The following ARHGAP8 variants were observed in gnomAD, a reference collection of about 807,000 sequenced individuals.
ARHGAP8 encodes the protein rho GTPase-activating protein 8.
Under a neutral mutation model 46.1 loss-of-function variants are expected in ARHGAP8, and 62 were observed. That is an observed-to-expected ratio of 1.34 (90% CI 1.10 to 1.66). The LOEUF (loss-of-function observed/expected upper bound fraction) is 1.66. Ranked by LOEUF, ARHGAP8 falls within the 40% of genes most tolerant of loss-of-function variation. ARHGAP8 has a pLI of 0.00. For missense variants in ARHGAP8, 923 were observed against 568.4 expected (o/e 1.62, Z -6.34); for synonymous variants, 375 against 243.1 (o/e 1.54, Z -5.05).
intron 11 of ARHGAP8, 40 bp downstream of exon 11, chr22:44,859,874 G>A (rs748776508): frequency 1.2e-6 from 2 of 1,603,838 alleles, no homozygotes; most frequent in East Asian, 4.5e-5. Context: ...AAGCCCAGTG[G>A]CCTTCCCTCC....
chr22:44,787,087 C>G (rs558482367), intron 2 of ARHGAP8, among the ~76,000 whole-genome samples: 283 of 150,804 alleles, frequency 1.9e-3, no homozygotes, highest in Middle Eastern at 7.1e-3. Context: ...GGAGGGCCTG[C>G]TAGTGTGTTT....
At chr22:44,825,888 G>T (rs1465589199) in intron 7 of ARHGAP8, among the ~76,000 whole-genome samples, 2 of 131,682 alleles carry the variant, frequency 1.5e-5, no homozygotes, top group African/African-American at 5.7e-5. Context: ...GCGCGTGCTT[G>T]CTGCTCCGTG....
intron 11 of ARHGAP8, among the ~76,000 whole-genome samples, chr22:44,861,888 G>C (rs2070505067): frequency 2.0e-5 from 3 of 152,172 alleles, no homozygotes; most frequent in Admixed American, 6.5e-5. Context: ...TGTGCTGGCT[G>C]GTCCCCATCA....
intron 10 of ARHGAP8, 101 bp downstream of exon 10, chr22:44,849,161 G>A (rs1322155294): frequency 1.3e-6 from 2 of 1,566,550 alleles, no homozygotes; most frequent in African/African-American, 2.7e-5. Context: ...GAGGTGACGT[G>A]TACCCACCCT....
At chr22:44,852,314 A>T (rs1210336330) in intron 10 of ARHGAP8, among the ~76,000 whole-genome samples, 1 of 151,786 alleles carries the variant, frequency 6.6e-6, no homozygotes, top group African/African-American at 2.4e-5. Context: ...ATGGAGCTTC[A>T]ATTCCTTTTG....
At chr22:44,833,901 A>G (rs1208125983) in intron 7 of ARHGAP8, among the ~76,000 whole-genome samples, 1 of 152,092 alleles carries the variant, frequency 6.6e-6, no homozygotes. Context: ...CTTTCCAGGA[A>G]TTTGTTCATT....
chr22:44,817,134 G>A (rs1414074467), intron 5 of ARHGAP8, among the ~76,000 whole-genome samples: 3 of 151,950 alleles, frequency 2.0e-5, no homozygotes, highest in Non-Finnish European at 2.9e-5. Flanking sequence ...TGATCCACCC[G>A]CCTCGGCCTC....
intron 11 of ARHGAP8, among the ~76,000 whole-genome samples, chr22:44,860,571 T>C (rs566860459): frequency 2.6e-5 from 4 of 152,054 alleles, no homozygotes; most frequent in Admixed American, 2.6e-4. Context: ...GCAACGGCCC[T>C]CGTTCCAAAT....
chr22:44,785,780 A>G (rs937168859), intron 1 of ARHGAP8, among the ~76,000 whole-genome samples: 5 of 152,058 alleles, frequency 3.3e-5, no homozygotes, highest in Admixed American at 6.6e-5. Flanking sequence ...CTAAGATTCA[A>G]CTTAGGAGGG....
chr22:44,799,077 G>T (rs1301540158), intron 2 of ARHGAP8, among the ~76,000 whole-genome samples: 4 of 152,224 alleles, frequency 2.6e-5, no homozygotes, highest in Admixed American at 1.3e-4. Flanking sequence ...CCACCTGGGG[G>T]GCCCCCAAGG....
At chr22:44,768,823 C>T (rs1383753842) in intron 1 of ARHGAP8, among the ~76,000 whole-genome samples, 1 of 149,904 alleles carries the variant, frequency 6.7e-6, no homozygotes, top group African/African-American at 2.5e-5. Context: ...GAGTCCCTGT[C>T]GTGGAGGTGT....
intron 1 of ARHGAP8, among the ~76,000 whole-genome samples, chr22:44,764,034 G>A (rs1016441367): frequency 2.0e-5 from 3 of 151,940 alleles, no homozygotes; most frequent in Admixed American, 1.3e-4. Context: ...GGATGGTCTC[G>A]ATCTCCTGAC....
chr22:44,844,622 C>T (rs990222674), intron 7 of ARHGAP8, among the ~76,000 whole-genome samples: 4 of 152,010 alleles, frequency 2.6e-5, no homozygotes, highest in Non-Finnish European at 5.9e-5. Flanking sequence ...ACGATCACAT[C>T]CAGCTAATTT....
intron 1 of ARHGAP8, among the ~76,000 whole-genome samples, chr22:44,774,198 G>C (rs1284305147): frequency 8.5e-5 from 13 of 152,096 alleles, no homozygotes; most frequent in Non-Finnish European, 2.9e-5. Context: ...CACCAGGCTG[G>C]TTTTCAACAG....
intron 7 of ARHGAP8, among the ~76,000 whole-genome samples, chr22:44,828,018 T>C (rs1409447126): frequency 6.6e-6 from 1 of 152,148 alleles, no homozygotes; most frequent in Non-Finnish European, 1.5e-5. Context: ...CTAATTTTAT[T>C]TCATTTTAAC....
chr22:44,781,569 G>A (rs982275723), intron 1 of ARHGAP8, among the ~76,000 whole-genome samples: 1 of 152,146 alleles, frequency 6.6e-6, no homozygotes, highest in Non-Finnish European at 1.5e-5. Flanking sequence ...TGTTGCCCAA[G>A]CTGGAGTGCG....
At chr22:44,859,697 C>G (rs746580703) in intron 10 of ARHGAP8, 34 bp from the exon 11 acceptor site, 68 of 1,607,634 alleles carry the variant, frequency 4.2e-5, no homozygotes, top group East Asian at 3.1e-4. Flanking sequence ...CCTGGCCCCT[C>G]TGGAGCTCAG....
chr22:44,815,283 C>T (rs1449388128), intron 5 of ARHGAP8, among the ~76,000 whole-genome samples: 2 of 152,168 alleles, frequency 1.3e-5, no homozygotes, highest in Admixed American at 1.3e-4. Flanking sequence ...GGAAGCTCAC[C>T]GAGCCTTGGT....
intron 2 of ARHGAP8, among the ~76,000 whole-genome samples, chr22:44,791,905 C>T (rs1927715873): frequency 6.6e-6 from 1 of 152,106 alleles, no homozygotes; most frequent in African/African-American, 2.4e-5. Context: ...AGTCAAAGCA[C>T]CAAAGCAAGA....
Sources: gnomAD v4.1 joint callset for allele counts (sites outside exome capture counted in the v4.1 genomes callset) on GRCh38, gnomAD v4.1.1 for gene constraint, MANE v1.5 for transcripts, NCBI Gene and HGNC (gene_info 2026-07-23, HGNC 2026-07-21) for gene names.